Variants in TPP2 observed in about 807,000 individuals in gnomAD.
TPP2 encodes tripeptidyl-peptidase 2.
In TPP2, 34 loss-of-function variants were observed where a neutral mutation model predicts 155.9. The ratio of observed to expected loss-of-function variants is 0.22; its 90% CI spans 0.17 to 0.29. The LOEUF is 0.29. TPP2 is among the 10% of genes least tolerant of loss of function. The pLI, the probability that TPP2 is intolerant of heterozygous loss-of-function variation, is 1.00. For missense variants in TPP2, 1,028 were observed against 1,522.3 expected, an observed-to-expected ratio of 0.68 and a Z score of 5.40; for synonymous variants, 510 against 529.4, an observed-to-expected ratio of 0.96 and a Z score of 0.50.
chr13:102,666,766 C>CTTTTTTTTTTTTTTTTTTTTTTTTTT, intron 27 of TPP2, among the ~76,000 whole-genome samples: 10 of 55,740 alleles, frequency 1.8e-4, no homozygotes, highest in Admixed American at 2.5e-4. Flanking sequence ...TTTTTAATCT[C>CTTTTTTTTTTTTTTTTTTTTTTTTTT]TTTTTTTTTT....
At chr13:102,624,422 T>C (rs893951381) in intron 6 of TPP2, among the ~76,000 whole-genome samples, 1 of 152,164 alleles carries the variant, frequency 6.6e-6, no homozygotes, top group African/African-American at 2.4e-5. Context: ...TTTATGTAAA[T>C]ATATCAGTAT....
At chr13:102,633,804 C>G in intron 10 of TPP2, 146 bp from the exon 11 acceptor site, 1 of 1,187,336 alleles carries the variant, frequency 8.4e-7, no homozygotes, top group Non-Finnish European at 1.2e-6. Flanking sequence ...ATTGATTCTT[C>G]ATAGTAGTAT....
intron 5 of TPP2, among the ~76,000 whole-genome samples, chr13:102,622,140 C>T (rs901622258): frequency 6.6e-6 from 1 of 152,130 alleles, no homozygotes; most frequent in African/African-American, 2.4e-5. Flanking sequence ...TACCAGTAGG[C>T]TTCTATTAAT....
chr13:102,636,248 G>A lies in TPP2; in HGVS notation c.1534G>A (p.Val512Ile), dbSNP rs73578896. The A allele has an allele frequency of 5.8e-4, 931 of 1,612,336 alleles. 10 individuals carry two copies. The African/African-American group carries it at 0.011, about 19-fold the overall frequency. ...GGTTGATAAAGCCTATGACTACCTC[G>A]TTCAGAATACATCATTTGCTAATAA... Reference protein sequence around the residue: ...IQVDKAYDYLVQNTSFANKLG... With the variant: ...IQVDKAYDYLIQNTSFANKLG... Residue 512 changes from valine (V) to isoleucine (I), a missense_variant, in exon 13 of 30, where the codon GTT (valine) becomes ATT (isoleucine). Physicochemically the swap from Val to Ile is conservative, Grantham distance 29. Coordinates refer to ENST00000376052, the MANE Select transcript of TPP2 (RefSeq NM_001330588.2).
chr13:102,637,488 A>C (rs1246995524), intron 14 of TPP2, among the ~76,000 whole-genome samples: 1 of 152,208 alleles, frequency 6.6e-6, no homozygotes, highest in Non-Finnish European at 1.5e-5. Context: ...CCTTTCAATT[A>C]GATCTCCCTC....
intron 25 of TPP2, among the ~76,000 whole-genome samples, chr13:102,660,621 A>G (rs752290781): frequency 6.6e-6 from 1 of 152,248 alleles, no homozygotes; most frequent in Non-Finnish European, 1.5e-5. Context: ...ATAGAAATTA[A>G]CAAGCTGATT....
In TPP2 at chr13:102,666,920, C is replaced by T. The variant is rs537393381; in HGVS notation, c.3371+1995C>T. Reference sequence around the variant, plus strand: ...GAGTGGAGCTGCTTTAAGTTTTTAGCGACACTGGGTCAACTTGTTTATCCT... The same window carrying T: ...GAGTGGAGCTGCTTTAAGTTTTTAGTGACACTGGGTCAACTTGTTTATCCT... On this transcript the variant is annotated intron_variant, in intron 27 of 29. Transcript: ENST00000376052. Among the ~76,000 whole-genome samples the T allele has an allele frequency of 1.1e-4, 17 of 151,996 alleles. No individual in the cohort carries two copies. In the East Asian group the frequency reaches 1.4e-3, roughly 12 times the overall value.
Position 102,597,234 on chromosome 13 carries a change from G to A in TPP2, c.165+31G>A. On this transcript the variant is annotated intron_variant, in intron 1 of 29. Coordinates refer to ENST00000376052, the MANE Select transcript of TPP2 (RefSeq NM_001330588.2). ...GCGGCCCCCGAGGGCCCGGGCGCGGGGGCGCGGGCGGCCGGGGACGCGGGT... is the reference window on the plus strand; with the variant it reads ...GCGGCCCCCGAGGGCCCGGGCGCGGAGGCGCGGGCGGCCGGGGACGCGGGT... 3.1e-6 allele frequency: 4 copies of A among 1,287,898 alleles called. No individual in the cohort carries two copies. In the African/African-American group the frequency reaches 4.7e-5, roughly 15 times the overall value. 79.8% of individuals were successfully genotyped at this position (1,287,898 alleles called of 1,614,324 possible). A position where few individuals can be genotyped will look rare whatever the true frequency, so the allele number is the denominator to read the frequency against.
chr13:102,622,786 G>A, intron 5 of TPP2, 91 bp from the exon 6 acceptor site: 1 of 1,347,452 alleles, frequency 7.4e-7, no homozygotes, highest in Non-Finnish European at 1.0e-6. Flanking sequence ...AGAGGTAGTA[G>A]TATAGTAAAA....
In TPP2 at chr13:102,636,351, A is replaced by G; in HGVS notation, c.1637A>G (p.Asp546Gly). The G allele has an allele frequency of 6.2e-7, 1 of 1,613,614 alleles. No homozygotes were observed. The highest frequency in any genetic ancestry group is 8.5e-7 in the Non-Finnish European group (1 of 1,179,844). The stretch of plus-strand genomic sequence containing the variant: ...CCTGTTCAGGTGGCTGCACCTTCAG[A>G]TCATGGCGTTGGCATTGAACCTGTA... ...RDPVQVAAPS[D>G]HGVGIEPVFP... is the part of the protein sequence containing the mutation. Residue 546 changes from aspartate (D) to glycine (G), a missense_variant, in exon 13 of 30, where the codon GAT (aspartate) becomes GGT (glycine). Coordinates refer to ENST00000376052, the MANE Select transcript of TPP2 (RefSeq NM_001330588.2).
intron 15 of TPP2, among the ~76,000 whole-genome samples, chr13:102,639,784 C>T (rs371025068): frequency 6.6e-6 from 1 of 152,156 alleles, no homozygotes; most frequent in Admixed American, 6.5e-5. Flanking sequence ...TGATTTCTTA[C>T]AAAAGTGCTT....
chr13:102,636,948 T>C, intron 13 of TPP2, 134 bp from the exon 14 acceptor site: 1 of 806,712 alleles, frequency 1.2e-6, no homozygotes. Context: ...GACTGTTTTA[T>C]TTAAGCTGTG....
chr13:102,626,505 G>A (rs549431702), intron 6 of TPP2, among the ~76,000 whole-genome samples: 17 of 152,270 alleles, frequency 1.1e-4, no homozygotes, highest in Admixed American at 3.3e-4. Context: ...TTTTGGTATT[G>A]TGTGTACCTA....
intron 5 of TPP2, among the ~76,000 whole-genome samples, chr13:102,621,408 G>C (rs751837757): frequency 6.6e-6 from 1 of 152,112 alleles, no homozygotes; most frequent in Non-Finnish European, 1.5e-5. Flanking sequence ...GAAGAATCGA[G>C]AAAGATTTCC....
intron 25 of TPP2, among the ~76,000 whole-genome samples, chr13:102,660,465 A>T (rs755561114): frequency 2.0e-5 from 3 of 152,218 alleles, no homozygotes; most frequent in Non-Finnish European, 4.4e-5. Context: ...ATACGTCAAA[A>T]CTACAAAACA....
intron 25 of TPP2, among the ~76,000 whole-genome samples, chr13:102,663,347 C>T (rs1168248789): frequency 6.6e-6 from 1 of 152,122 alleles, no homozygotes; most frequent in Non-Finnish European, 1.5e-5. Flanking sequence ...GGGGTTTCAC[C>T]ATGTTGGCCA....
At chr13:102,618,926 G>A in intron 5 of TPP2, 80 bp downstream of exon 5, 3 of 1,467,116 alleles carry the variant, frequency 2.0e-6, no homozygotes, top group Non-Finnish European at 1.8e-6. Context: ...GCTCAGAGCT[G>A]CACAGAATTT....
intron 27 of TPP2, among the ~76,000 whole-genome samples, chr13:102,671,145 C>T (rs936740905): frequency 6.6e-6 from 1 of 152,106 alleles, no homozygotes; most frequent in Non-Finnish European, 1.5e-5. Context: ...CTGTCCTGTT[C>T]TGCAAGGGGA....
At chr13:102,648,310 C>A (rs1883258968) in intron 21 of TPP2, among the ~76,000 whole-genome samples, 1 of 152,104 alleles carries the variant, frequency 6.6e-6, no homozygotes, top group Non-Finnish European at 1.5e-5. Context: ...AGCCCTGGAG[C>A]TCTAGGCTAT....
Sources: gnomAD v4.1 joint callset for allele counts (sites outside exome capture counted in the v4.1 genomes callset) on GRCh38, gnomAD v4.1.1 for gene constraint, MANE v1.5 for transcripts, NCBI Gene and HGNC (gene_info 2026-07-23, HGNC 2026-07-21) for gene names.